Variants in PCBP3 observed in about 807,000 individuals in gnomAD.
PCBP3 encodes the protein poly(rC) binding protein 3, also known as poly(rC)-binding protein 3.
Under a neutral mutation model 52.7 loss-of-function variants are expected in PCBP3, and 25 were observed. The observed-to-expected ratio is 0.47, with a 90% CI of 0.35 to 0.66. PCBP3 has a LOEUF of 0.66. Among genes scored for constraint, PCBP3 ranks in the 30% least tolerant of loss-of-function variants. PCBP3 has a pLI of 0.01. For missense variants in PCBP3, 391 were observed against 490.3 expected (o/e 0.80, Z 1.91); for synonymous variants, 162 against 183.0 (o/e 0.89, Z 0.93).
In PCBP3 at chr21:45,758,847, C is replaced by T. The variant is rs138729303; in HGVS notation, c.-126+3395C>T. ...CTTGGGGGAAGCATCTGGTTTCTCA[C>T]CTTAAGTATGATGATAGCTTTTTAT... On this transcript the variant is annotated intron_variant, in intron 4 of 17. Coordinates refer to ENST00000681687, the MANE Select transcript of PCBP3 (RefSeq NM_001384156.1). 1.7e-3 allele frequency among the ~76,000 whole-genome samples: 259 copies of T among 151,980 alleles called. 1 individual carries two copies. The highest frequency in any genetic ancestry group is 6.0e-3 in the African/African-American group (248 of 41,448).
At chr21:45,747,185 T>A (rs1055011395) in intron 3 of PCBP3, among the ~76,000 whole-genome samples, 1 of 152,210 alleles carries the variant, frequency 6.6e-6, no homozygotes, top group African/African-American at 2.4e-5. Context: ...CAAGAGAGCA[T>A]GTGCGAGGGA....
chr21:45,794,071 C>G (rs1348145110), intron 4 of PCBP3, among the ~76,000 whole-genome samples: 2 of 152,068 alleles, frequency 1.3e-5, no homozygotes, highest in South Asian at 4.2e-4. Flanking sequence ...ATAAAAATCT[C>G]AAGCATATGT....
At chr21:45,700,957 C>T (rs995722713) in intron 2 of PCBP3, among the ~76,000 whole-genome samples, 9 of 152,128 alleles carry the variant, frequency 5.9e-5, no homozygotes, top group African/African-American at 2.2e-4. Flanking sequence ...CTGCAGTATC[C>T]CTGATCCCCT....
At chr21:45,799,572 G>A (rs1439380473) in intron 4 of PCBP3, among the ~76,000 whole-genome samples, 1 of 152,144 alleles carries the variant, frequency 6.6e-6, no homozygotes, top group Non-Finnish European at 1.5e-5. Context: ...TGGATAAGGG[G>A]GGAGGGCTGC....
intron 1 of PCBP3, among the ~76,000 whole-genome samples, chr21:45,666,805 G>A (rs114158219): frequency 0.014 from 2,174 of 151,380 alleles, 51 homozygotes; most frequent in African/African-American, 0.05. Context: ...TCAGCTCACT[G>A]CAACCTATGC....
At chr21:45,911,205 G>A (rs758445732) in intron 11 of PCBP3, 175 bp downstream of exon 11, 1 of 726,144 alleles carries the variant, frequency 1.4e-6, no homozygotes, top group Non-Finnish European at 2.4e-6. Context: ...GCGCCACAGG[G>A]GTGCTGGGGC....
rs917294318 is a variant in PCBP3, at chr21:45,777,756, G to GT, written c.-126+22314dup. 3.1e-3 allele frequency among the ~76,000 whole-genome samples: 445 copies of GT among 142,864 alleles called. 3 individuals are homozygous for GT. Among genetic ancestry groups the GT allele is most frequent in the Middle Eastern group, 0.015 (4 of 274 alleles). The allele number at this position is 142,864 out of a possible 152,430, so 93.7% of individuals were successfully genotyped here. Reference sequence around the variant, plus strand: ...CAATGAATCTTCAGTTCTAGAATTTGTTTTTTTTTTAAGTATTTGTCCCTT... The same window carrying GT: ...CAATGAATCTTCAGTTCTAGAATTTGTTTTTTTTTTTAAGTATTTGTCCCTT... On this transcript the variant is annotated intron_variant, in intron 4 of 17. Transcript: ENST00000681687.
chr21:45,766,083 G>A (rs1428221343), intron 4 of PCBP3, among the ~76,000 whole-genome samples: 3 of 152,212 alleles, frequency 2.0e-5, no homozygotes, highest in Non-Finnish European at 4.4e-5. Flanking sequence ...GACTGACGTG[G>A]GTCCGTACAA....
intron 4 of PCBP3, among the ~76,000 whole-genome samples, chr21:45,834,779 C>T (rs947714494): frequency 6.6e-6 from 1 of 152,244 alleles, no homozygotes; most frequent in Non-Finnish European, 1.5e-5. Context: ...AAGCAGACTT[C>T]GGAGCTGCCT....
intron 3 of PCBP3, among the ~76,000 whole-genome samples, chr21:45,740,621 A>AGTGT (rs34229652): frequency 0.052 from 7,884 of 150,410 alleles, 398 homozygotes; most frequent in East Asian, 0.11. Context: ...TGGTGTGTGT[A>AGTGT]GTGTGTGTGT....
At chr21:45,924,801 G>A (rs1472407660) in intron 13 of PCBP3, among the ~76,000 whole-genome samples, 4 of 50,022 alleles carry the variant, frequency 8.0e-5, no homozygotes, top group South Asian at 5.5e-4. Context: ...ACGTAAGATC[G>A]GGTGTGCGTG....
At chr21:45,731,430 G>A (rs1344896570) in intron 2 of PCBP3, among the ~76,000 whole-genome samples, 1 of 152,180 alleles carries the variant, frequency 6.6e-6, no homozygotes, top group African/African-American at 2.4e-5. Flanking sequence ...TACATCACAG[G>A]TATACAAGAT....
intron 5 of PCBP3, among the ~76,000 whole-genome samples, chr21:45,862,589 C>T (rs1160536322): frequency 2.0e-5 from 3 of 152,114 alleles, no homozygotes; most frequent in South Asian, 4.1e-4. Context: ...TATGAACCTC[C>T]GATACTCGTT....
chr21:45,812,925 AT>A (rs2092722238), intron 4 of PCBP3, among the ~76,000 whole-genome samples: 1 of 151,712 alleles, frequency 6.6e-6, no homozygotes, highest in Non-Finnish European at 1.5e-5. Flanking sequence ...TGTGCAATGT[AT>A]TTTTTTCCTA....
chr21:45,705,998 C>T (rs2083426330), intron 2 of PCBP3, among the ~76,000 whole-genome samples: 1 of 152,220 alleles, frequency 6.6e-6, no homozygotes, highest in African/African-American at 2.4e-5. Context: ...TGAAGAGGAC[C>T]CTCCATCTTT....
At chr21:45,770,009 T>TG (rs2089722302) in intron 4 of PCBP3, among the ~76,000 whole-genome samples, 1 of 152,206 alleles carries the variant, frequency 6.6e-6, no homozygotes, top group East Asian at 1.9e-4. Flanking sequence ...AGGCACACAG[T>TG]GGGCCGTGGA....
chr21:45,647,011 TC>T (rs2079358121), intron 1 of PCBP3, among the ~76,000 whole-genome samples: 1 of 152,266 alleles, frequency 6.6e-6, no homozygotes, highest in Non-Finnish European at 1.5e-5. Context: ...CTTTTCTTTC[TC>T]TTGAGGTTAA....
At chr21:45,845,988 C>T (rs1170550862) in intron 4 of PCBP3, among the ~76,000 whole-genome samples, 2 of 152,230 alleles carry the variant, frequency 1.3e-5, no homozygotes. Context: ...CCTTCCTAAA[C>T]AGCTGTGTTT....
chr21:45,700,511 G>A (rs1421141113), intron 2 of PCBP3, among the ~76,000 whole-genome samples: 1 of 152,178 alleles, frequency 6.6e-6, no homozygotes. Context: ...CCTGTACTGT[G>A]ATCTTGGGCC....
Sources: gnomAD v4.1 joint callset for allele counts (sites outside exome capture counted in the v4.1 genomes callset) on GRCh38, gnomAD v4.1.1 for gene constraint, MANE v1.5 for transcripts, NCBI Gene and HGNC (gene_info 2026-07-23, HGNC 2026-07-21) for gene names.